CADM2: variants seen among roughly 807,000 people sequenced by gnomAD.
CADM2 encodes immunoglobulin superfamily member 4D.
A neutral mutation model predicts 49.8 loss-of-function variants in CADM2; 12 were observed. The ratio of observed to expected loss-of-function variants is 0.24; its 90% CI spans 0.15 to 0.39. CADM2 has a LOEUF of 0.39. CADM2 is among the 10% of genes least tolerant of loss of function. The probability of loss-of-function intolerance (pLI) is 1.00; values close to 1 mark genes in which losing one functional copy is unlikely to be tolerated. For synonymous variants in CADM2, 214 were observed against 175.4 expected, an observed-to-expected ratio of 1.22 and a Z score of -1.74; for missense variants, 378 against 492.3, an observed-to-expected ratio of 0.77 and a Z score of 2.20.
At chr3:85,794,529 A>C (rs1035112832) in intron 2 of CADM2, among the ~76,000 whole-genome samples, 2 of 152,212 alleles carry the variant, frequency 1.3e-5, no homozygotes, top group Non-Finnish European at 2.9e-5. Flanking sequence ...GAGGAAGAAA[A>C]TAATAAATGT....
intron 1 of CADM2, among the ~76,000 whole-genome samples, chr3:85,229,326 A>G (rs908315641): frequency 3.9e-5 from 6 of 152,154 alleles, no homozygotes; most frequent in South Asian, 2.1e-4. Flanking sequence ...GGAAAAGTGC[A>G]GTATCTGGGC....
chr3:85,680,156 T>C (rs1345396008), intron 1 of CADM2, among the ~76,000 whole-genome samples: 4 of 152,092 alleles, frequency 2.6e-5, no homozygotes, highest in African/African-American at 7.2e-5. Flanking sequence ...TCATTCCAAA[T>C]ACTCCCTGAA....
intron 1 of CADM2, among the ~76,000 whole-genome samples, chr3:85,156,116 C>T (rs942780372): frequency 6.6e-6 from 1 of 152,006 alleles, no homozygotes; most frequent in African/African-American, 2.4e-5. Context: ...CAAGAAATAA[C>T]TAAAATCAGA....
chr3:85,745,367 C>T (rs968567116), intron 2 of CADM2, among the ~76,000 whole-genome samples: 2 of 151,776 alleles, frequency 1.3e-5, no homozygotes, highest in Non-Finnish European at 2.9e-5. Context: ...TCTTTTATTT[C>T]CTAGTTGACC....
chr3:85,976,787 G>C (rs2108656682), intron 8 of CADM2, among the ~76,000 whole-genome samples: 1 of 151,538 alleles, frequency 6.6e-6, no homozygotes, highest in East Asian at 2.0e-4. Context: ...GGAGAATGCT[G>C]AACAGATAAA....
At chr3:85,388,086 T>C (rs1428584943) in intron 1 of CADM2, among the ~76,000 whole-genome samples, 1 of 152,134 alleles carries the variant, frequency 6.6e-6, no homozygotes, top group African/African-American at 2.4e-5. Context: ...TGCATTGCAG[T>C]GGTGCCATCA....
At chr3:85,925,287 GTA>G (rs1577679180) in intron 6 of CADM2, among the ~76,000 whole-genome samples, 1 of 152,120 alleles carries the variant, frequency 6.6e-6, no homozygotes, top group East Asian at 1.9e-4. Context: ...TTTTGCAGAT[GTA>G]TAACAGTTTT....
Position 85,693,653 on chromosome 3 carries a change from C to T in CADM2, c.62-32869C>T, listed in dbSNP as rs575795702. Among the ~76,000 whole-genome samples, 10 of 145,576 alleles carry T rather than the reference C, an allele frequency of 6.9e-5. No homozygotes were observed. In the East Asian group the frequency reaches 1.8e-3, roughly 26 times the overall value. On this transcript the variant is annotated intron_variant, in intron 1 of 9. Coordinates refer to ENST00000383699, the MANE Select transcript of CADM2 (RefSeq NM_001167675.2). ...CTGTAATCCCAGCACTTTGGGATGC[C>T]GAGGCAGGTGGATCACGAGGGCAGG...
At chr3:85,453,296 T>G (rs1355432199) in intron 1 of CADM2, among the ~76,000 whole-genome samples, 1 of 152,108 alleles carries the variant, frequency 6.6e-6, no homozygotes, top group African/African-American at 2.4e-5. Flanking sequence ...TGAAAAAAAT[T>G]TACACTTCTT....
intron 1 of CADM2, among the ~76,000 whole-genome samples, chr3:85,583,189 A>G (rs886851467): frequency 3.3e-5 from 5 of 152,150 alleles, no homozygotes; most frequent in Admixed American, 2.6e-4. Flanking sequence ...TATTATAAGA[A>G]CTCGAAAAGC....
chr3:85,354,378 A>G (rs567183537), intron 1 of CADM2, among the ~76,000 whole-genome samples: 47 of 148,830 alleles, frequency 3.2e-4, no homozygotes, highest in East Asian at 2.3e-3. Flanking sequence ...GGGGAGGGAT[A>G]GCATTAAGAG....
At chr3:85,652,817 G>T (rs2065091174) in intron 1 of CADM2, among the ~76,000 whole-genome samples, 1 of 94,400 alleles carries the variant, frequency 1.1e-5, no homozygotes, top group African/African-American at 4.4e-5. Context: ...TTGCTCTGTT[G>T]CCCAAGCTGG....
chr3:85,715,872 A>G (rs933929326), intron 1 of CADM2, among the ~76,000 whole-genome samples: 30 of 152,148 alleles, frequency 2.0e-4, no homozygotes, highest in African/African-American at 6.5e-4. Flanking sequence ...TCCATGGTGT[A>G]TATGTGCCAC....
chr3:85,400,952 A>G (rs1225633758), intron 1 of CADM2, among the ~76,000 whole-genome samples: 1 of 152,200 alleles, frequency 6.6e-6, no homozygotes, highest in Non-Finnish European at 1.5e-5. Context: ...CTGACACTAA[A>G]GAATCCTGAC....
intron 1 of CADM2, among the ~76,000 whole-genome samples, chr3:85,571,023 T>A (rs939237348): frequency 6.6e-6 from 1 of 152,174 alleles, no homozygotes; most frequent in Non-Finnish European, 1.5e-5. Context: ...GCAAAACTGA[T>A]GGTGAAGTGT....
intron 8 of CADM2, among the ~76,000 whole-genome samples, chr3:86,050,976 G>C (rs1737270302): frequency 6.6e-6 from 1 of 152,166 alleles, no homozygotes; most frequent in South Asian, 2.1e-4. Context: ...AATTTCTGCA[G>C]CCTGCTTTAA....
intron 2 of CADM2, among the ~76,000 whole-genome samples, chr3:85,787,404 A>G (rs2071057626): frequency 6.6e-6 from 1 of 152,036 alleles, no homozygotes; most frequent in Non-Finnish European, 1.5e-5. Flanking sequence ...TGTAAACACA[A>G]TTTTTACAAT....
intron 1 of CADM2, among the ~76,000 whole-genome samples, chr3:85,247,153 A>G (rs558437414): frequency 6.6e-6 from 1 of 152,130 alleles, no homozygotes; most frequent in South Asian, 2.1e-4. Flanking sequence ...AGCTAACTTA[A>G]ATCATACTCT....
chr3:85,332,551 GT>G (rs2044959418), intron 1 of CADM2, among the ~76,000 whole-genome samples: 1 of 151,858 alleles, frequency 6.6e-6, no homozygotes, highest in African/African-American at 2.4e-5. Flanking sequence ...TGCAATCTGA[GT>G]TTATAATTTT....
Sources: allele counts gnomAD v4.1 joint callset (sites outside exome capture counted in the v4.1 genomes callset), GRCh38; gene constraint gnomAD v4.1.1; transcripts MANE v1.5; gene names NCBI Gene and HGNC (gene_info 2026-07-23, HGNC 2026-07-21).